TGFBR3: variants seen among roughly 807,000 people sequenced by gnomAD.
The protein encoded by TGFBR3 is transforming growth factor beta receptor type 3.
Under a neutral mutation model 87.9 loss-of-function variants are expected in TGFBR3, and 46 were observed. The ratio of observed to expected loss-of-function variants is 0.52; its 90% CI spans 0.41 to 0.67. The LOEUF (loss-of-function observed/expected upper bound fraction) is 0.67. Ranked by LOEUF, TGFBR3 falls within the 30% of genes least tolerant of loss-of-function variation. The probability of loss-of-function intolerance (pLI) is 0.00; values close to 1 mark genes in which losing one functional copy is unlikely to be tolerated. For missense variants in TGFBR3, 866 were observed against 1,041.9 expected (o/e 0.83, Z 2.32); for synonymous variants, 381 against 391.6 (o/e 0.97, Z 0.32).
chr1:91,725,657 A>G (rs562157444), intron 7 of TGFBR3, among the ~76,000 whole-genome samples: 8 of 152,302 alleles, frequency 5.3e-5, no homozygotes, highest in African/African-American at 1.9e-4. Flanking sequence ...AATGAACCAC[A>G]AACTCAAGGT....
chr1:91,734,849 T>C lies in TGFBR3; in HGVS notation c.495A>G (p.Arg165=). 1.9e-6 allele frequency: 3 copies of C among 1,614,244 alleles called. No homozygotes were observed. The highest frequency in any genetic ancestry group is 2.5e-6 in the Non-Finnish European group (3 of 1,180,030). ...HGNEHLLNWA[R]KEYGAVTSFT... ...ATGAAGTAACTGCTCCATACTCTTT[T>C]CGGGCCCAATTTAACAGATGTTCAT... Residue 165 remains arginine (R), a synonymous_variant, in exon 5 of 17, where the codon CGA becomes CGG. Transcript: ENST00000212355.
At chr1:91,884,219 C>T (rs1679206905) in intron 1 of TGFBR3, among the ~76,000 whole-genome samples, 1 of 151,660 alleles carries the variant, frequency 6.6e-6, no homozygotes, top group East Asian at 1.9e-4. Context: ...ACTCTGGAGG[C>T]TGAGTCAGGA....
In TGFBR3 at chr1:91,729,866, G is replaced by C; in HGVS notation, c.676C>G (p.Gln226Glu). Residue 226 changes from glutamine (Q) to glutamate (E), a missense_variant, in exon 6 of 17, where the codon CAG becomes GAG. Coordinates refer to ENST00000212355, the MANE Select transcript of TGFBR3 (RefSeq NM_003243.5). ...ATGTGTACTTCCTCATTCTGGGGCT[G>C]GCTGGACATCACACACCCTTCTGCT... Reference protein sequence around the residue: ...KAAEGCVMSSQPQNEEVHIIE... With the variant: ...KAAEGCVMSSEPQNEEVHIIE... The C allele has an allele frequency of 6.2e-7, 1 of 1,614,178 alleles. No individual in the cohort carries two copies. Among genetic ancestry groups the C allele is most frequent in the Non-Finnish European group, 8.5e-7 (1 of 1,180,026 alleles).
chr1:91,716,127 G>T (rs1672159352), intron 12 of TGFBR3, 109 bp downstream of exon 12: 1 of 1,343,268 alleles, frequency 7.4e-7, no homozygotes. Flanking sequence ...CCTGTTGAAG[G>T]TCTGTGAGGT....
rs12030849 is a variant in TGFBR3, at chr1:91,878,007, A to T, written c.-114+7871T>A. 1.6e-4 allele frequency among the ~76,000 whole-genome samples: 24 copies of T among 152,368 alleles called. No homozygotes were observed. The East Asian group carries it at 4.6e-3, about 29-fold the overall frequency. The stretch of plus-strand genomic sequence containing the variant: ...ACACATAGGGAAGACCTTACGCTGC[A>T]ATGATGCAAAATGTATGTAATGAGT... On this transcript the variant is annotated intron_variant, in intron 1 of 16. Coordinates refer to ENST00000212355, the MANE Select transcript of TGFBR3 (RefSeq NM_003243.5).
chr1:91,727,387 A>G (rs146589622), intron 7 of TGFBR3, among the ~76,000 whole-genome samples: 5 of 152,296 alleles, frequency 3.3e-5, no homozygotes, highest in East Asian at 3.9e-4. Context: ...GAATTTCACA[A>G]ATGAGGGAGC....
At chr1:91,888,914 C>G (rs917622106), upstream of TGFBR3, among the ~76,000 whole-genome samples, 83 of 152,066 alleles carry the variant, frequency 5.5e-4, no homozygotes, top group African/African-American at 1.9e-3. Flanking sequence ...CAGAGTCTCG[C>G]TCTGCTGCCG....
chr1:91,813,071 C>G (rs1676083630), intron 2 of TGFBR3, among the ~76,000 whole-genome samples: 1 of 152,192 alleles, frequency 6.6e-6, no homozygotes, highest in Non-Finnish European at 1.5e-5. Flanking sequence ...CAGAAGATGG[C>G]TCCCCAACCC....
intron 2 of TGFBR3, among the ~76,000 whole-genome samples, chr1:91,818,907 A>C (rs535695056): frequency 2.0e-5 from 3 of 152,130 alleles, no homozygotes; most frequent in Non-Finnish European, 4.4e-5. Flanking sequence ...AATACACTTG[A>C]TAACTTATTT....
chr1:91,681,834 G>A lies in TGFBR3; in HGVS notation c.*1905C>T. ...AAACAATACATTCCACCGAAGGTTAGGCAAAGCGCAATATTTTCAAACACA... is the reference window on the plus strand; with the variant it reads ...AAACAATACATTCCACCGAAGGTTAAGCAAAGCGCAATATTTTCAAACACA... On this transcript the variant is annotated 3_prime_UTR_variant, in exon 17 of 17. Coordinates refer to ENST00000212355, the MANE Select transcript of TGFBR3 (RefSeq NM_003243.5). 2.2e-6 allele frequency: 1 copy of A among 453,228 alleles called. No individual in the cohort carries two copies. The highest frequency in any genetic ancestry group is 1.6e-5 in the South Asian group (1 of 64,160). The allele number at this position is 453,228 out of a possible 1,614,324, so 28.1% of individuals were successfully genotyped here. A position where few individuals can be genotyped will look rare whatever the true frequency, so the allele number is the denominator to read the frequency against.
intron 2 of TGFBR3, among the ~76,000 whole-genome samples, chr1:91,894,207 T>C (rs1472995610): frequency 6.6e-6 from 1 of 152,196 alleles, no homozygotes; most frequent in East Asian, 1.9e-4. Flanking sequence ...TTACCCTGGA[T>C]GAACTGGCCT....
intron 2 of TGFBR3, among the ~76,000 whole-genome samples, chr1:91,856,102 G>A (rs1236789912): frequency 5.3e-5 from 8 of 151,964 alleles, no homozygotes; most frequent in South Asian, 4.2e-4. Flanking sequence ...TGGCTCTGTC[G>A]CCCAGGCTGG....
chr1:91,779,318 T>C (rs1674683959), intron 3 of TGFBR3, among the ~76,000 whole-genome samples: 1 of 152,190 alleles, frequency 6.6e-6, no homozygotes, highest in Non-Finnish European at 1.5e-5. Flanking sequence ...AATTATTTAA[T>C]CGTCACAGCA....
chr1:91,740,625 A>G (rs1673130412), intron 4 of TGFBR3, among the ~76,000 whole-genome samples: 1 of 152,156 alleles, frequency 6.6e-6, no homozygotes, highest in South Asian at 2.1e-4. Flanking sequence ...TCAGCCTTCC[A>G]AAGTGCTGGG....
intron 3 of TGFBR3, among the ~76,000 whole-genome samples, chr1:91,763,029 TG>T (rs935930282): frequency 5.6e-4 from 86 of 152,348 alleles, no homozygotes; most frequent in African/African-American, 1.9e-3. Context: ...TGAAGGCTTC[TG>T]GGTTCTCCAA....
chr1:91,763,933 T>C (rs1440377056), intron 3 of TGFBR3, among the ~76,000 whole-genome samples: 1 of 152,204 alleles, frequency 6.6e-6, no homozygotes, highest in African/African-American at 2.4e-5. Context: ...CATTTGGGAA[T>C]TGGCATAAAA....
upstream of TGFBR3, among the ~76,000 whole-genome samples, chr1:91,888,137 C>G (rs1033595201): frequency 6.6e-6 from 1 of 152,156 alleles, no homozygotes; most frequent in African/African-American, 2.4e-5. Flanking sequence ...GCTTTAAAAA[C>G]AGGAGTCTCC....
chr1:91,902,678 G>T (rs1679758363), intron 1 of TGFBR3, among the ~76,000 whole-genome samples: 1 of 151,228 alleles, frequency 6.6e-6, no homozygotes, highest in African/African-American at 2.4e-5. Flanking sequence ...TCAAATAAGG[G>T]CTCAATTAAT....
chr1:91,735,868 G>A (rs1243675041), intron 4 of TGFBR3, among the ~76,000 whole-genome samples: 4 of 152,110 alleles, frequency 2.6e-5, no homozygotes, highest in African/African-American at 9.7e-5. Context: ...CTCAAAATGT[G>A]GGCAAGAAGG....
Sources: gnomAD v4.1 joint callset for allele counts (sites outside exome capture counted in the v4.1 genomes callset) on GRCh38, gnomAD v4.1.1 for gene constraint, MANE v1.5 for transcripts, NCBI Gene and HGNC (gene_info 2026-07-23, HGNC 2026-07-21) for gene names.